The following RPS6KC1 variants were observed in gnomAD, a reference collection of about 807,000 sequenced individuals.
RPS6KC1 encodes ribosomal protein S6 kinase C1.
RPS6KC1 carries 54 observed loss-of-function variants against 103.8 expected under a neutral mutation model. That is an observed-to-expected ratio of 0.52 (90% confidence interval 0.42 to 0.65). RPS6KC1 has a LOEUF of 0.65. Among genes scored for constraint, RPS6KC1 ranks in the 30% least tolerant of loss-of-function variants. The pLI is 0.00. For synonymous variants in RPS6KC1, 439 were observed against 438.7 expected (o/e 1.00, Z -0.01); for missense variants, 1,151 against 1,253.8 (o/e 0.92, Z 1.24).
intron 6 of RPS6KC1, among the ~76,000 whole-genome samples, chr1:213,165,176 G>A (rs762095545): frequency 2.0e-5 from 3 of 151,906 alleles, no homozygotes; most frequent in Non-Finnish European, 4.4e-5. Flanking sequence ...TGCTGCTGTT[G>A]ATCAGCAGTG....
At chr1:213,152,365 A>C (rs1348052587) in intron 6 of RPS6KC1, among the ~76,000 whole-genome samples, 2 of 111,788 alleles carry the variant, frequency 1.8e-5, no homozygotes, top group Non-Finnish European at 3.8e-5. Context: ...GGGGCGGCTG[A>C]TGGGGCGGGG....
rs777557634 is a variant in RPS6KC1, at chr1:213,262,799, C to T, written c.3073C>T (p.Arg1025Cys). ...NMPECVSEEARSLIQQLLQFN... is the reference protein window; with the variant it reads ...NMPECVSEEACSLIQQLLQFN... The stretch of plus-strand genomic sequence containing the variant: ...GCCAGAATGTGTCTCTGAAGAGGCT[C>T]GCTCACTCATTCAACAGGTAATTTA... The change falls in exon 14 of 15, where the codon CGC becomes TGC. Residue 1025 changes from arginine (R) to cysteine (C), a missense_variant. Physicochemically the swap from Arg to Cys is radical, Grantham distance 180 (BLOSUM62 -3). This residue lies in a region of RPS6KC1 where 189 missense variants were observed against 228.8 expected (regional missense o/e 0.83). Coordinates refer to ENST00000366960, the MANE Select transcript of RPS6KC1 (RefSeq NM_012424.6). 2.3e-5 allele frequency: 37 copies of T among 1,607,384 alleles called. No homozygotes were observed. Among genetic ancestry groups the T allele is most frequent in the Admixed American group, 3.3e-5 (2 of 60,020 alleles).
the RPS6KC1 span, among the ~76,000 whole-genome samples, chr1:213,847,384 G>A: frequency 2.0e-5 from 3 of 152,110 alleles, no homozygotes; most frequent in Admixed American, 6.6e-5. Context: ...TGAATACCAC[G>A]CCTCCATCTG....
the RPS6KC1 span, among the ~76,000 whole-genome samples, chr1:213,689,524 C>A: frequency 3.3e-5 from 5 of 152,234 alleles, no homozygotes; most frequent in South Asian, 2.1e-4. Context: ...ATTTCAAGGT[C>A]TGTGTTCTCA....
At chr1:213,250,828 A>T (rs2094532356) in intron 12 of RPS6KC1, among the ~76,000 whole-genome samples, 1 of 152,076 alleles carries the variant, frequency 6.6e-6, no homozygotes, top group African/African-American at 2.4e-5. Flanking sequence ...ACAAAAACTT[A>T]AAAAAAATTG....
the RPS6KC1 span, among the ~76,000 whole-genome samples, chr1:213,538,354 C>T: frequency 6.6e-6 from 1 of 152,050 alleles, no homozygotes. Context: ...TGAGAAATCT[C>T]TTATTAGGTA....
the RPS6KC1 span, among the ~76,000 whole-genome samples, chr1:213,657,550 A>G: frequency 6.6e-6 from 1 of 152,356 alleles, no homozygotes. Context: ...AAGAAACTAA[A>G]GAAATAACGA....
At chr1:213,149,729 A>G (rs1391443224) in intron 6 of RPS6KC1, among the ~76,000 whole-genome samples, 1 of 152,188 alleles carries the variant, frequency 6.6e-6, no homozygotes, top group Non-Finnish European at 1.5e-5. Flanking sequence ...GATCTGTCCA[A>G]TGCAGAAAGT....
chr1:213,626,423 T>G, the RPS6KC1 span, among the ~76,000 whole-genome samples: 1 of 152,208 alleles, frequency 6.6e-6, no homozygotes, highest in Admixed American at 6.5e-5. Context: ...AGAAGCTCTT[T>G]AGTTTAATTA....
the RPS6KC1 span, among the ~76,000 whole-genome samples, chr1:213,517,804 G>C: frequency 2.8e-4 from 43 of 152,140 alleles, no homozygotes; most frequent in African/African-American, 1.0e-3. Flanking sequence ...CTGTCTCGTC[G>C]ATCTGTCTAA....
At chr1:213,861,883 C>G in the RPS6KC1 span, among the ~76,000 whole-genome samples, 3 of 152,256 alleles carry the variant, frequency 2.0e-5, no homozygotes, top group Admixed American at 6.5e-5. Context: ...TCATCCATTC[C>G]CTAGTCCTGC....
chr1:213,366,434 T>A, the RPS6KC1 span, among the ~76,000 whole-genome samples: 1 of 152,290 alleles, frequency 6.6e-6, no homozygotes, highest in South Asian at 2.1e-4. Context: ...AAAGCAAAGG[T>A]GGATCAGAGT....
At chr1:213,215,739 A>G (rs2093641676) in intron 8 of RPS6KC1, among the ~76,000 whole-genome samples, 1 of 152,246 alleles carries the variant, frequency 6.6e-6, no homozygotes, top group Non-Finnish European at 1.5e-5. Flanking sequence ...TTCTTAAAGA[A>G]AAGAATTTTT....
the RPS6KC1 span, among the ~76,000 whole-genome samples, chr1:213,310,554 A>G: frequency 5.7e-3 from 873 of 151,888 alleles, 4 homozygotes; most frequent in Middle Eastern, 0.014. Context: ...ACCCTTTTCT[A>G]CTTAATTTTT....
the RPS6KC1 span, among the ~76,000 whole-genome samples, chr1:213,535,464 C>T: frequency 6.6e-6 from 1 of 152,224 alleles, no homozygotes; most frequent in Admixed American, 6.5e-5. Flanking sequence ...ATGTATTCAT[C>T]ATATCTGCCT....
At chr1:213,428,716 A>G in the RPS6KC1 span, 1 of 150,508 alleles carries the variant, frequency 6.6e-6, no homozygotes, top group Non-Finnish European at 1.5e-5. Flanking sequence ...TCTCATATCC[A>G]TTGACTGTGT....
the RPS6KC1 span, among the ~76,000 whole-genome samples, chr1:213,698,483 A>G: frequency 6.6e-6 from 1 of 152,198 alleles, no homozygotes; most frequent in East Asian, 1.9e-4. Context: ...ATGTTACTGT[A>G]GAGACATACA....
chr1:213,178,718 CT>C (rs960291541), intron 8 of RPS6KC1, among the ~76,000 whole-genome samples: 181 of 145,500 alleles, frequency 1.2e-3, no homozygotes, highest in Non-Finnish European at 1.2e-3. Context: ...TGACATTTAA[CT>C]TTTTTTTTTT....
At position 213,228,109 on chromosome 1, in the gene RPS6KC1, T is replaced by C. The variant is rs572908427; in HGVS notation, c.1045-2388T>C. ...GAAGGGTTAGAGATTCTATAATAGA[T>C]GTTGGTGCTGTGTAAAACAGCAGAA... is the stretch of plus-strand genomic sequence containing the variant. On this transcript the variant is annotated intron_variant, in intron 8 of 14. Transcript: ENST00000366960. Among the ~76,000 whole-genome samples, 4 of 152,190 alleles carry C rather than the reference T, an allele frequency of 2.6e-5. No homozygotes were observed. The South Asian group carries it at 8.3e-4, about 32-fold the overall frequency.
Sources: gnomAD v4.1 joint callset for allele counts (sites outside exome capture counted in the v4.1 genomes callset) on GRCh38, gnomAD v4.1.1 for gene constraint, gnomAD v4.1.1 regional missense constraint, MANE v1.5 for transcripts, NCBI Gene and HGNC (gene_info 2026-07-23, HGNC 2026-07-21) for gene names.